The following FLCN variants were observed in gnomAD, a reference collection of about 807,000 sequenced individuals.
The protein encoded by FLCN is BHD skin lesion fibrofolliculoma protein.
A neutral mutation model predicts 62.5 loss-of-function variants in FLCN; 22 were observed. The observed-to-expected ratio is 0.35, with a 90% confidence interval of 0.25 to 0.50. FLCN has a LOEUF of 0.50. Ranked by LOEUF, FLCN falls within the 20% of genes least tolerant of loss-of-function variation. FLCN has a pLI of 0.97. For synonymous variants in FLCN, 319 were observed against 310.0 expected, an observed-to-expected ratio of 1.03 and a Z score of -0.30; for missense variants, 657 against 778.0, an observed-to-expected ratio of 0.84 and a Z score of 1.85.
chr17:17,224,207 T>C (rs2047184709), intron 5 of FLCN, 64 bp from the exon 6 acceptor site: 2 of 1,428,426 alleles, frequency 1.4e-6, no homozygotes, highest in South Asian at 1.2e-5. Flanking sequence ...TCAAAGCCTC[T>C]TCTTCAGACT....
chr17:17,215,878 A>AC (rs1009728176), intron 11 of FLCN, among the ~76,000 whole-genome samples: 8 of 152,180 alleles, frequency 5.3e-5, no homozygotes, highest in African/African-American at 1.9e-4. Flanking sequence ...ATCCCTGGAC[A>AC]TCCCCAAACC....
chr17:17,220,411 A>C (rs1391287520), intron 8 of FLCN: 1 of 152,240 alleles, frequency 6.6e-6, no homozygotes, highest in African/African-American at 2.4e-5. Flanking sequence ...CAGCACTATT[A>C]TCTCCATTTC....
Position 17,212,466 on chromosome 17 carries a change from C to T in FLCN, c.*1189G>A, listed in dbSNP as rs1405915833. The T allele has an allele frequency of 7.0e-6, 1 of 142,062 alleles. No individual in the cohort carries two copies. Among genetic ancestry groups the T allele is most frequent in the Non-Finnish European group, 1.4e-5 (1 of 69,372 alleles). 8.8% of individuals were successfully genotyped at this position (142,062 alleles called of 1,614,324 possible). On this transcript the variant is annotated 3_prime_UTR_variant, in exon 14 of 14. Coordinates refer to ENST00000285071, the MANE Select transcript of FLCN (RefSeq NM_144997.7). ...CCAGCCTGGACGACATAGCAAGATGCCATCTCTTTAAAAAAAAAAAAAAAA... is the reference window on the plus strand; with the variant it reads ...CCAGCCTGGACGACATAGCAAGATGTCATCTCTTTAAAAAAAAAAAAAAAA...
rs532079581 is a variant in FLCN at position 17,222,803 on chromosome 17, G to A, written c.619-142C>T. The A allele has an allele frequency of 3.7e-5, 34 of 929,398 alleles. No homozygotes were observed. The East Asian group carries it at 8.4e-4, about 23-fold the overall frequency. 57.6% of individuals were successfully genotyped at this position (929,398 alleles called of 1,614,324 possible). ...TCTCTCCATGCAGAGCACACAAAGT[G>A]CCACCAGTCCAATCATTCCCAACAG... On this transcript the variant is annotated intron_variant, in intron 6 of 13. Coordinates refer to ENST00000285071, the MANE Select transcript of FLCN (RefSeq NM_144997.7).
intron 4 of FLCN, among the ~76,000 whole-genome samples, chr17:17,226,863 C>T (rs937936872): frequency 1.3e-5 from 2 of 152,220 alleles, no homozygotes; most frequent in African/African-American, 2.4e-5. Context: ...CCCGCTGCCC[C>T]GCTGCAGCCA....
chr17:17,225,399 G>A (rs1334363589), intron 5 of FLCN: 2 of 153,556 alleles, frequency 1.3e-5, no homozygotes, highest in East Asian at 1.9e-4. Flanking sequence ...GCAACATACT[G>A]AGACCTCATC....
intron 1 of FLCN, among the ~76,000 whole-genome samples, chr17:17,234,212 TGGTTTG>T (rs1567833038): frequency 1.4e-4 from 13 of 93,138 alleles, no homozygotes; most frequent in Non-Finnish European, 1.8e-4. Flanking sequence ...TGTTTTTTTT[TGGTTTG>T]TTTTTTTTTT....
At chr17:17,226,554 C>T (rs1316407846) in intron 4 of FLCN, among the ~76,000 whole-genome samples, 2 of 152,166 alleles carry the variant, frequency 1.3e-5, no homozygotes, top group Admixed American at 6.5e-5. Flanking sequence ...TGAGCACTTA[C>T]GAAGTAGGTA....
intron 11 of FLCN, among the ~76,000 whole-genome samples, chr17:17,215,761 A>C (rs2046899948): frequency 6.6e-6 from 1 of 152,192 alleles, no homozygotes; most frequent in South Asian, 2.1e-4. Flanking sequence ...GTCAGGACCC[A>C]GCCTGGGTGC....
At chr17:17,234,888 G>A (rs1320669776) in intron 1 of FLCN, among the ~76,000 whole-genome samples, 2 of 152,056 alleles carry the variant, frequency 1.3e-5, no homozygotes, top group African/African-American at 4.8e-5. Flanking sequence ...GAGGTGGGCA[G>A]ATCACGAGGT....
At chr17:17,231,156 C>A (rs754970388) in intron 3 of FLCN, among the ~76,000 whole-genome samples, 1 of 152,032 alleles carries the variant, frequency 6.6e-6, no homozygotes, top group Non-Finnish European at 1.5e-5. Context: ...GCCAAGACTG[C>A]GCAACTGCAG....
At chr17:17,219,408 A>G (rs1349865367) in intron 8 of FLCN, among the ~76,000 whole-genome samples, 199 bp from the exon 9 acceptor site, 2 of 152,040 alleles carry the variant, frequency 1.3e-5, no homozygotes, top group East Asian at 3.9e-4. Flanking sequence ...CCGGGGTACC[A>G]CACATCTCTC....
At chr17:17,213,927 C>T (rs1365495134) in intron 13 of FLCN, 71 bp from the exon 14 acceptor site, 58 of 1,533,890 alleles carry the variant, frequency 3.8e-5, no homozygotes, top group Non-Finnish European at 5.1e-5. Context: ...CGGGGCCAAC[C>T]AGGGGTGACA....
In FLCN at chr17:17,216,305, C is replaced by G; in HGVS notation, c.1300+75G>C. 2 of 1,597,234 alleles carry G rather than the reference C, an allele frequency of 1.3e-6. No individual in the cohort carries two copies. The highest frequency in any genetic ancestry group is 2.2e-5 in the South Asian group (2 of 89,380). ...CCTCTCCACAACCCATGACAGAGAT[C>G]TGGTTCCACTTTGGGCCTGAGGCGT... is the stretch of plus-strand genomic sequence containing the variant. On this transcript the variant is annotated intron_variant, in intron 11 of 13. Coordinates refer to ENST00000285071, the MANE Select transcript of FLCN (RefSeq NM_144997.7). The surrounding 1 kb of genome is among the most constrained non-coding windows in gnomAD (Gnocchi z 4.0).
At position 17,222,560 on chromosome 17, in the gene FLCN, C is replaced by T. The variant is rs186366202; in HGVS notation, c.720G>A (p.Ser240=). The T allele has an allele frequency of 5.6e-5, 91 of 1,614,228 alleles. No homozygotes were observed. Among genetic ancestry groups the T allele is most frequent in the Non-Finnish European group, 6.9e-5 (81 of 1,180,034 alleles). ...LHQRNGNAAR[S]LTSLTSDDNL... ...TGTCATCACTTGTCAGCGATGTCAG[C>T]GAGCGGGCGGCGTTGCCGTTCCTCT... The change falls in exon 7 of 14, where the codon TCG becomes TCA. Residue 240 remains serine (S), a synonymous_variant. Transcript: ENST00000285071.
chr17:17,231,251 C>T (rs2047413427), intron 3 of FLCN, among the ~76,000 whole-genome samples: 1 of 152,118 alleles, frequency 6.6e-6, no homozygotes, highest in South Asian at 2.1e-4. Flanking sequence ...AAAGCTCAGC[C>T]CTTCTGTCTC....
chr17:17,228,150 A>G lies in FLCN; in HGVS notation c.-13T>C, dbSNP rs1389944609. 1 of 1,611,696 alleles carries G rather than the reference A, an allele frequency of 6.2e-7. No homozygotes were observed. Among genetic ancestry groups the G allele is most frequent in the Admixed American group, 1.7e-5 (1 of 59,988 alleles). ...CGATGGCATTCATGGTGCCTTGGAGACTGCAACAGGCCTGCGTGGGACAGG... is the reference window on the plus strand; with the variant it reads ...CGATGGCATTCATGGTGCCTTGGAGGCTGCAACAGGCCTGCGTGGGACAGG... On this transcript the variant is annotated 5_prime_UTR_variant, in exon 4 of 14. Transcript: ENST00000285071.
intron 3 of FLCN, among the ~76,000 whole-genome samples, chr17:17,229,708 C>A (rs2047365000): frequency 6.6e-6 from 1 of 152,192 alleles, no homozygotes; most frequent in African/African-American, 2.4e-5. Context: ...GGAGTGGTAA[C>A]CTGCAGAACA....
Position 17,222,039 on chromosome 17 carries a change from T to TAA in FLCN, c.780-413_780-412dup, listed in dbSNP as rs35488709. On this transcript the variant is annotated intron_variant, in intron 7 of 13. Transcript: ENST00000285071. ...GGAATGATACGACTCAGATTTGCTT[T>TAA]AAAAAAAAAAAAAAAGGCTGGGCGC... Among the ~76,000 whole-genome samples, 261 of 142,614 alleles carry TAA rather than the reference T, an allele frequency of 1.8e-3. 4 individuals carry two copies. The East Asian group carries it at 0.02, about 11-fold the overall frequency. 93.6% of individuals were successfully genotyped at this position (142,614 alleles called of 152,430 possible). A position where few individuals can be genotyped will look rare whatever the true frequency, so the allele number is the denominator to read the frequency against.
Sources: allele counts gnomAD v4.1 joint callset (sites outside exome capture counted in the v4.1 genomes callset), GRCh38; gene constraint gnomAD v4.1.1; non-coding constraint Gnocchi (gnomAD v3.1); transcripts MANE v1.5; gene names NCBI Gene and HGNC (gene_info 2026-07-23, HGNC 2026-07-21).